S100A8: variants seen among roughly 807,000 people sequenced by gnomAD.
S100A8 encodes S100 calcium binding protein A8.
In S100A8, 1 loss-of-function variant was observed where a neutral mutation model predicts 4.2. The observed-to-expected ratio is 0.24, with a 90% CI of 0.08 to 1.12. S100A8 has a LOEUF of 1.12. S100A8 is among the 50% of genes most tolerant of loss of function. The probability of loss-of-function intolerance (pLI) is 0.53; values close to 1 mark genes in which losing one functional copy is unlikely to be tolerated. For synonymous variants in S100A8, 41 were observed against 44.7 expected (o/e 0.92, Z 0.33); for missense variants, 96 against 111.8 (o/e 0.86, Z 0.64).
chr1:153,413,056 C>CA, the S100A8 span, among the ~76,000 whole-genome samples: 1 of 152,130 alleles, frequency 6.6e-6, no homozygotes, highest in Admixed American at 6.6e-5. Flanking sequence ...ATGGGTGCAG[C>CA]ACACCAACAT....
At chr1:153,404,688 A>G in the S100A8 span, among the ~76,000 whole-genome samples, 1 of 152,222 alleles carries the variant, frequency 6.6e-6, no homozygotes, top group African/African-American at 2.4e-5. Flanking sequence ...TGTGTCCCCA[A>G]TATACTATTT....
intron 2 of S100A8, 47 bp from the exon 3 acceptor site, chr1:153,390,290 A>G (rs761231293): frequency 1.2e-6 from 2 of 1,602,854 alleles, no homozygotes; most frequent in African/African-American, 2.7e-5. Context: ...GATCTCAGAG[A>G]GAGCCGAGGC....
chr1:153,405,273 TC>T, the S100A8 span, among the ~76,000 whole-genome samples: 1 of 150,928 alleles, frequency 6.6e-6, no homozygotes, highest in Admixed American at 6.6e-5. Context: ...GAAAGCAACC[TC>T]CCTTATCAGG....
At chr1:153,394,699 C>T (rs1335768876), upstream of S100A8, among the ~76,000 whole-genome samples, 1 of 152,146 alleles carries the variant, frequency 6.6e-6, no homozygotes, top group Middle Eastern at 3.2e-3. Flanking sequence ...GGAGGGACAG[C>T]AGGCCAGGCC....
chr1:153,397,277 G>T, the S100A8 span, among the ~76,000 whole-genome samples: 40 of 152,352 alleles, frequency 2.6e-4, no homozygotes, highest in African/African-American at 9.6e-4. Context: ...GGTGCCCAGG[G>T]GGTCAGAGGT....
At chr1:153,416,470 TG>T in the S100A8 span, 1 of 378,570 alleles carries the variant, frequency 2.6e-6, no homozygotes. Context: ...TCCCAACCCG[TG>T]GGAAGAGCCA....
upstream of S100A8, among the ~76,000 whole-genome samples, chr1:153,394,107 G>A (rs146139970): frequency 5.8e-3 from 891 of 152,328 alleles, 5 homozygotes; most frequent in African/African-American, 0.021. Context: ...GCAGCCTAGC[G>A]GACATGGGGC....
the S100A8 span, among the ~76,000 whole-genome samples, chr1:153,402,640 G>T: frequency 2.0e-5 from 3 of 152,170 alleles, no homozygotes; most frequent in Admixed American, 6.5e-5. Context: ...TTTTTAGTAA[G>T]GGATATGCCA....
the S100A8 span, among the ~76,000 whole-genome samples, chr1:153,398,421 C>T: frequency 2.6e-4 from 40 of 152,296 alleles, no homozygotes; most frequent in African/African-American, 9.1e-4. Flanking sequence ...CCCTGCTATC[C>T]TTCCCCCGGG....
chr1:153,404,964 T>G, the S100A8 span, among the ~76,000 whole-genome samples: 2 of 151,902 alleles, frequency 1.3e-5, no homozygotes, highest in African/African-American at 2.4e-5. Flanking sequence ...ACCAATTCTC[T>G]GCACTCAGGG....
chr1:153,418,171 C>G, the S100A8 span: 110 of 1,613,894 alleles, frequency 6.8e-5, no homozygotes, highest in Non-Finnish European at 8.9e-5. Context: ...ATTGAGAAGC[C>G]AAGCCTGCTG....
the S100A8 span, among the ~76,000 whole-genome samples, chr1:153,401,301 C>T: frequency 1.1e-4 from 17 of 152,126 alleles, no homozygotes; most frequent in Admixed American, 1.1e-3. Flanking sequence ...AATTTTGCCA[C>T]GTGTTAGGTG....
upstream of S100A8, chr1:153,391,159 T>G (rs1662088253): frequency 1.0e-6 from 1 of 985,408 alleles, no homozygotes; most frequent in African/African-American, 1.7e-5. Context: ...AGCTTCTCCC[T>G]GCCAGAGTTG....
the S100A8 span, among the ~76,000 whole-genome samples, chr1:153,413,983 T>C: frequency 1.3e-5 from 2 of 152,230 alleles, no homozygotes; most frequent in African/African-American, 4.8e-5. Flanking sequence ...TAGGAAATAT[T>C]CTTCTTTTTC....
At chr1:153,390,643 G>GT in intron 1 of S100A8, 86 bp from the exon 2 acceptor site, 1 of 1,521,002 alleles carries the variant, frequency 6.6e-7, no homozygotes, top group Non-Finnish European at 8.9e-7. Flanking sequence ...TGCCCCAAGC[G>GT]ATGGCCTTGT....
chr1:153,419,532 T>A, the S100A8 span: 405 of 585,100 alleles, frequency 6.9e-4, no homozygotes, highest in Middle Eastern at 2.6e-3. Flanking sequence ...AGAGCTGATC[T>A]GCCTCTCACA....
the S100A8 span, chr1:153,421,479 T>C: frequency 6.6e-6 from 1 of 152,232 alleles, no homozygotes; most frequent in East Asian, 1.9e-4. Flanking sequence ...GTACTCTATA[T>C]CATTTTTCAA....
At chr1:153,393,576 T>C (rs1486358100), upstream of S100A8, among the ~76,000 whole-genome samples, 1 of 152,178 alleles carries the variant, frequency 6.6e-6, no homozygotes, top group Admixed American at 6.5e-5. Flanking sequence ...ATCAAACAAA[T>C]GCAGTCTGAC....
At chr1:153,418,272 G>A in the S100A8 span, 2 of 1,609,766 alleles carry the variant, frequency 1.2e-6, no homozygotes, top group African/African-American at 1.3e-5. Context: ...TGGCATGGCT[G>A]AGGATACATT....
Sources: gnomAD v4.1 joint callset for allele counts (sites outside exome capture counted in the v4.1 genomes callset) on GRCh38, gnomAD v4.1.1 for gene constraint, MANE v1.5 for transcripts, NCBI Gene and HGNC (gene_info 2026-07-23, HGNC 2026-07-21) for gene names.